LRRC28: variants seen among roughly 807,000 people sequenced by gnomAD.
The protein encoded by LRRC28 is leucine-rich repeat-containing protein 28.
A neutral mutation model predicts 45.7 loss-of-function variants in LRRC28; 39 were observed. That is an observed-to-expected ratio of 0.85 (90% confidence interval 0.66 to 1.12). The LOEUF (loss-of-function observed/expected upper bound fraction) is 1.12. Among genes scored for constraint, LRRC28 ranks in the 50% most tolerant of loss-of-function variants. The pLI is 0.00. For synonymous variants in LRRC28, 206 were observed against 178.8 expected, an observed-to-expected ratio of 1.15 and a Z score of -1.22; for missense variants, 435 against 438.5, an observed-to-expected ratio of 0.99 and a Z score of 0.07.
At position 99,256,144 on chromosome 15, in the gene LRRC28, C is replaced by T. The variant is rs754628043; in HGVS notation, c.168+19C>T. The T allele has an allele frequency of 6.3e-7, 1 of 1,575,170 alleles. No homozygotes were observed. Among genetic ancestry groups the T allele is most frequent in the Admixed American group, 1.9e-5 (1 of 51,804 alleles). On this transcript the variant is annotated intron_variant, in intron 2 of 9. Transcript: ENST00000301981. ...ATCCTTGGTACAGTATTATATTACA[C>T]TACTGAAAAATTATTTATACATGTG...
At chr15:99,351,217 C>A (rs1258394554) in intron 6 of LRRC28, among the ~76,000 whole-genome samples, 1 of 152,038 alleles carries the variant, frequency 6.6e-6, no homozygotes, top group African/African-American at 2.4e-5. Context: ...TGCTTAGGAG[C>A]GGAGAGGAGA....
intron 3 of LRRC28, among the ~76,000 whole-genome samples, chr15:99,282,177 G>GT (rs766338889): frequency 5.7e-4 from 56 of 98,042 alleles, no homozygotes; most frequent in East Asian, 2.2e-3. Context: ...ATTTTTGGAG[G>GT]TTTTTTTTTT....
intron 1 of LRRC28, among the ~76,000 whole-genome samples, chr15:99,252,686 C>A (rs1597129061): frequency 6.6e-6 from 1 of 152,318 alleles, no homozygotes; most frequent in South Asian, 2.1e-4. Context: ...AGGCTCTATC[C>A]GTGGTCTTGA....
intron 6 of LRRC28, among the ~76,000 whole-genome samples, chr15:99,347,311 G>A (rs939679562): frequency 7.2e-5 from 11 of 151,760 alleles, no homozygotes; most frequent in African/African-American, 2.2e-4. Flanking sequence ...CCGGGTTCAC[G>A]CCCTTCTCTT....
chr15:99,259,353 T>G, intron 2 of LRRC28: 1 of 1,544,168 alleles, frequency 6.5e-7, no homozygotes, highest in Non-Finnish European at 9.0e-7. Context: ...ATTCAGGCCC[T>G]TCCCGAATTT....
At chr15:99,259,723 A>G (rs1235344353) in intron 2 of LRRC28, 7 of 1,425,348 alleles carry the variant, frequency 4.9e-6, no homozygotes, top group Non-Finnish European at 6.9e-6. Context: ...GAATTAAGGA[A>G]GATGAAGATG....
chr15:99,288,289 T>C (rs1238058734), intron 5 of LRRC28, among the ~76,000 whole-genome samples: 4 of 152,052 alleles, frequency 2.6e-5, no homozygotes, highest in Non-Finnish European at 5.9e-5. Flanking sequence ...CTTTGCGTGA[T>C]ATAATCATTT....
intron 5 of LRRC28, 75 bp from the exon 6 acceptor site, chr15:99,333,848 G>C: frequency 6.9e-7 from 1 of 1,451,172 alleles, no homozygotes. Context: ...TGGTTAAACT[G>C]TTATAATATT....
chr15:99,378,490 G>A (rs1330377467), intron 9 of LRRC28, among the ~76,000 whole-genome samples: 1 of 152,162 alleles, frequency 6.6e-6, no homozygotes, highest in Non-Finnish European at 1.5e-5. Flanking sequence ...TGCAAACAGG[G>A]ACAGTTTGAC....
At chr15:99,335,526 G>A (rs374094781) in intron 6 of LRRC28, among the ~76,000 whole-genome samples, 8 of 152,140 alleles carry the variant, frequency 5.3e-5, no homozygotes, top group African/African-American at 1.9e-4. Flanking sequence ...GCATGGTGAT[G>A]CATACCTGTA....
rs750101454 is a variant in LRRC28 at position 99,388,018 on chromosome 15, C to T, written c.*1916C>T. On this transcript the variant is annotated 3_prime_UTR_variant, in exon 10 of 10. Transcript: ENST00000301981. ...GTTCTTACTTCCTCTTGTCCCTTTT[C>T]ATATCTTGGTCTATTCAGCCTTAAC... is the stretch of plus-strand genomic sequence containing the variant. The T allele has an allele frequency of 6.6e-6, 1 of 152,236 alleles. No homozygotes were observed. The highest frequency in any genetic ancestry group is 1.5e-5 in the Non-Finnish European group (1 of 68,038). The allele number at this position is 152,236 out of a possible 1,614,324, so 9.4% of individuals were successfully genotyped here.
At chr15:99,257,501 C>G in intron 2 of LRRC28, 1 of 395,798 alleles carries the variant, frequency 2.5e-6, no homozygotes, top group Non-Finnish European at 4.8e-6. Context: ...AGAGAATTGA[C>G]CTTTGCTTAT....
chr15:99,349,129 G>T (rs778671487), intron 6 of LRRC28, among the ~76,000 whole-genome samples: 5 of 152,078 alleles, frequency 3.3e-5, no homozygotes, highest in Admixed American at 6.5e-5. Flanking sequence ...AATGTATCCT[G>T]TAGCTATAGT....
At chr15:99,325,525 G>A (rs535115892) in intron 5 of LRRC28, among the ~76,000 whole-genome samples, 1 of 152,280 alleles carries the variant, frequency 6.6e-6, no homozygotes, top group South Asian at 2.1e-4. Flanking sequence ...GGATTTAAGG[G>A]GAAAGCACTC....
chr15:99,313,749 A>AT (rs1380564910), intron 5 of LRRC28, among the ~76,000 whole-genome samples: 2 of 151,758 alleles, frequency 1.3e-5, no homozygotes, highest in East Asian at 1.9e-4. Flanking sequence ...CTTGGTTGAC[A>AT]TTTTTTTTCT....
At chr15:99,385,389 A>G (rs971047811) in intron 9 of LRRC28, among the ~76,000 whole-genome samples, 3 of 152,358 alleles carry the variant, frequency 2.0e-5, no homozygotes, top group South Asian at 4.1e-4. Flanking sequence ...CTACCAGAGG[A>G]TAGCACTTCT....
Position 99,334,080 on chromosome 15 carries a change from C to A in LRRC28, c.543C>A (p.Ser181Arg). Residue 181 changes from serine (S) to arginine (R), a missense_variant, in exon 6 of 10, where the codon AGC (serine) becomes AGA (arginine). By Grantham distance (110) the Ser-to-Arg change is moderately radical. Coordinates refer to ENST00000301981, the MANE Select transcript of LRRC28 (RefSeq NM_144598.5). ...CGCGCCATCTCTGCCAGCTGCCCAG[C>A]CTCAATGAGCTCTCCATGGCTGGAA... Reference protein sequence around the residue: ...YVPRHLCQLPSLNELSMAGNR... With the variant: ...YVPRHLCQLPRLNELSMAGNR... 1 of 1,614,142 alleles carries A rather than the reference C, an allele frequency of 6.2e-7. No individual in the cohort carries two copies. Among genetic ancestry groups the A allele is most frequent in the South Asian group, 1.1e-5 (1 of 91,080 alleles).
At chr15:99,258,384 C>A (rs921630856) in intron 2 of LRRC28, 2 of 1,076,964 alleles carry the variant, frequency 1.9e-6, no homozygotes, top group Non-Finnish European at 2.9e-6. Flanking sequence ...AAAGAAAAAG[C>A]ATTTGATTAC....
intron 6 of LRRC28, among the ~76,000 whole-genome samples, chr15:99,347,788 T>C (rs1477915210): frequency 1.3e-5 from 2 of 152,206 alleles, no homozygotes; most frequent in Non-Finnish European, 2.9e-5. Context: ...CCTTTAGATA[T>C]ATACCCAGGA....
Sources: allele counts gnomAD v4.1 joint callset (sites outside exome capture counted in the v4.1 genomes callset), GRCh38; gene constraint gnomAD v4.1.1; transcripts MANE v1.5; gene names NCBI Gene and HGNC (gene_info 2026-07-23, HGNC 2026-07-21).